Variants in RNF111 observed in about 807,000 individuals in gnomAD.
The protein encoded by RNF111 is E3 ubiquitin-protein ligase Arkadia.
RNF111 carries 17 observed loss-of-function variants against 95.1 expected under a neutral mutation model. That is an observed-to-expected ratio of 0.18 (90% CI 0.12 to 0.27). The LOEUF (loss-of-function observed/expected upper bound fraction) is 0.27, where lower values mean the gene tolerates loss of function less well. RNF111 is among the 10% of genes least tolerant of loss of function. The pLI is 1.00. For missense variants in RNF111, 1,189 were observed against 1,210.4 expected (o/e 0.98, Z 0.26); for synonymous variants, 440 against 414.8 (o/e 1.06, Z -0.74).
chr15:59,021,518 C>G (rs1272784466), intron 1 of RNF111, among the ~76,000 whole-genome samples: 1 of 152,126 alleles, frequency 6.6e-6, no homozygotes, highest in Non-Finnish European at 1.5e-5. Flanking sequence ...AATGTTAAGT[C>G]TTATGTATGT....
intron 13 of RNF111, among the ~76,000 whole-genome samples, chr15:59,093,805 A>C (rs1427846654): frequency 1.3e-5 from 2 of 152,150 alleles, no homozygotes; most frequent in Admixed American, 1.3e-4. Context: ...GCTGAGAAAA[A>C]AATTGTCTAC....
At chr15:59,073,583 T>G (rs34884391) in intron 6 of RNF111, among the ~76,000 whole-genome samples, 110,553 of 152,034 alleles carry the variant, frequency 0.73, 40,494 homozygotes, top group Middle Eastern at 0.83. Flanking sequence ...CATCTTCAGG[T>G]TCCAACTTCT....
At chr15:59,004,409 G>A (rs979456023) in intron 1 of RNF111, among the ~76,000 whole-genome samples, 2 of 152,142 alleles carry the variant, frequency 1.3e-5, no homozygotes, top group Non-Finnish European at 2.9e-5. Context: ...TAGGATTAAG[G>A]TTACTATTTT....
intron 1 of RNF111, among the ~76,000 whole-genome samples, chr15:58,996,649 CTTTTTTTTTTTTTTTTTTT>C (rs60350601): frequency 5.0e-5 from 5 of 100,810 alleles, no homozygotes; most frequent in Non-Finnish European, 9.9e-5. Flanking sequence ...TCAGTACTTT[CTTTTTTTTTTTTTTTTTTT>C]TTTTTTTTTT....
chr15:59,047,154 A>C (rs1445519266), intron 2 of RNF111, among the ~76,000 whole-genome samples: 1 of 152,154 alleles, frequency 6.6e-6, no homozygotes, highest in African/African-American at 2.4e-5. Flanking sequence ...ATGAGACCAA[A>C]AGCTCAGATT....
chr15:59,070,543 C>T (rs2042871917), intron 6 of RNF111, among the ~76,000 whole-genome samples: 1 of 152,056 alleles, frequency 6.6e-6, no homozygotes. Flanking sequence ...TATTCTTAAA[C>T]CGTATTTACC....
At chr15:59,000,737 T>C (rs1158955194) in intron 1 of RNF111, among the ~76,000 whole-genome samples, 2 of 151,622 alleles carry the variant, frequency 1.3e-5, no homozygotes, top group African/African-American at 4.8e-5. Context: ...TAACTGCTGC[T>C]GCAGAGAATT....
chr15:59,082,135 T>C (rs2078763350), intron 8 of RNF111, among the ~76,000 whole-genome samples: 1 of 152,232 alleles, frequency 6.6e-6, no homozygotes, highest in Non-Finnish European at 1.5e-5. Flanking sequence ...AGAAATTGAT[T>C]CTTTGCTAAC....
chr15:59,053,319 A>G (rs2042070552), intron 3 of RNF111, among the ~76,000 whole-genome samples: 1 of 152,222 alleles, frequency 6.6e-6, no homozygotes, highest in African/African-American at 2.4e-5. Flanking sequence ...TTAGATGATT[A>G]TAAGTATTGG....
At chr15:59,063,159 T>G (rs1160450680) in intron 5 of RNF111, among the ~76,000 whole-genome samples, 2 of 152,200 alleles carry the variant, frequency 1.3e-5, no homozygotes, top group African/African-American at 4.8e-5. Flanking sequence ...CATGCTGCTT[T>G]TCCCTTGTGA....
At chr15:59,080,627 TTATC>T (rs767543809) in intron 7 of RNF111, among the ~76,000 whole-genome samples, 1 of 152,032 alleles carries the variant, frequency 6.6e-6, no homozygotes, top group Non-Finnish European at 1.5e-5. Flanking sequence ...ACACAGATAT[TTATC>T]ATAGCATTTG....
rs533658657 is a variant in RNF111, at chr15:59,074,865, G to A, written c.1687-1089G>A. Among the ~76,000 whole-genome samples, 35 of 152,302 alleles carry A rather than the reference G, an allele frequency of 2.3e-4. No individual in the cohort carries two copies. In the South Asian group the frequency reaches 4.8e-3, roughly 21 times the overall value. ...TCATTTCTCGGTTTTGGTTTAAAATGAGAGATGTGCAAATCTTCCTTTCAC... is the reference window on the plus strand; with the variant it reads ...TCATTTCTCGGTTTTGGTTTAAAATAAGAGATGTGCAAATCTTCCTTTCAC... On this transcript the variant is annotated intron_variant, in intron 6 of 13. Coordinates refer to ENST00000348370, the MANE Select transcript of RNF111 (RefSeq NM_017610.8).
At chr15:59,076,242 A>G in intron 7 of RNF111, 27 bp downstream of exon 7, 2 of 1,597,164 alleles carry the variant, frequency 1.3e-6, no homozygotes, top group Non-Finnish European at 1.7e-6. Context: ...TGGACACAAA[A>G]TCTAGAGTCA....
At chr15:59,091,966 C>T (rs1307360568) in intron 12 of RNF111, among the ~76,000 whole-genome samples, 1 of 152,212 alleles carries the variant, frequency 6.6e-6, no homozygotes, top group Non-Finnish European at 1.5e-5. Context: ...GATGCTCGCT[C>T]ACCTGCCACT....
intron 1 of RNF111, among the ~76,000 whole-genome samples, chr15:59,013,859 G>A (rs1438851655): frequency 1.3e-5 from 2 of 152,052 alleles, no homozygotes; most frequent in African/African-American, 2.4e-5. Flanking sequence ...TGCTTTCTTG[G>A]CTCACTGCAA....
At chr15:59,029,152 A>G (rs1462845831) in intron 1 of RNF111, among the ~76,000 whole-genome samples, 2 of 152,016 alleles carry the variant, frequency 1.3e-5, no homozygotes, top group African/African-American at 2.4e-5. Flanking sequence ...TCCATCAGCA[A>G]TATATGAGGG....
intron 2 of RNF111, among the ~76,000 whole-genome samples, chr15:59,034,537 C>T (rs1456946212): frequency 6.6e-6 from 1 of 152,056 alleles, no homozygotes; most frequent in East Asian, 1.9e-4. Flanking sequence ...TATCATCACA[C>T]TCATATTACA....
chr15:59,062,048 C>CT (rs1411333954), intron 5 of RNF111, among the ~76,000 whole-genome samples: 5 of 140,236 alleles, frequency 3.6e-5, no homozygotes, highest in Admixed American at 7.1e-5. Flanking sequence ...TTGTTTTAAA[C>CT]TTCTTTTTTT....
intron 3 of RNF111, among the ~76,000 whole-genome samples, chr15:59,054,102 A>AT (rs1417618694): frequency 9.9e-5 from 15 of 151,344 alleles, no homozygotes; most frequent in South Asian, 4.2e-4. Flanking sequence ...CACCTGGCTA[A>AT]TTTTTTTTGT....
Sources: gnomAD v4.1 joint callset for allele counts (sites outside exome capture counted in the v4.1 genomes callset) on GRCh38, gnomAD v4.1.1 for gene constraint, MANE v1.5 for transcripts, NCBI Gene and HGNC (gene_info 2026-07-23, HGNC 2026-07-21) for gene names.